Variants in LRRC57 observed in about 807,000 individuals in gnomAD.
LRRC57 encodes the protein leucine-rich repeat-containing protein 57.
In LRRC57, 14 loss-of-function variants were observed where a neutral mutation model predicts 23.1. The ratio of observed to expected loss-of-function variants is 0.61; its 90% CI spans 0.40 to 0.95. LRRC57 has a LOEUF of 0.95. Among genes scored for constraint, LRRC57 ranks in the 40% least tolerant of loss-of-function variants. LRRC57 has a pLI of 0.00. For synonymous variants in LRRC57, 106 were observed against 115.2 expected, an observed-to-expected ratio of 0.92 and a Z score of 0.51; for missense variants, 236 against 284.4, an observed-to-expected ratio of 0.83 and a Z score of 1.22.
chr15:42,535,385 T>C (rs972401216), downstream of LRRC57, among the ~76,000 whole-genome samples: 1 of 152,198 alleles, frequency 6.6e-6, no homozygotes, highest in Non-Finnish European at 1.5e-5. Context: ...TCAAGAACTT[T>C]TCCTTTGCAT....
At chr15:42,534,962 T>C (rs1461859863), downstream of LRRC57, among the ~76,000 whole-genome samples, 2 of 152,218 alleles carry the variant, frequency 1.3e-5, no homozygotes, top group Admixed American at 1.3e-4. Context: ...CCCTATATTT[T>C]CAAAATGTTA....
chr15:42,533,962 C>T (rs1016891093), downstream of LRRC57, among the ~76,000 whole-genome samples: 2 of 152,176 alleles, frequency 1.3e-5, no homozygotes, highest in African/African-American at 2.4e-5. Context: ...CAGTGGCTCA[C>T]GCCTGTAATC....
At chr15:42,537,248 C>CACACACACACACACACACACACAT (rs898846158), downstream of LRRC57, among the ~76,000 whole-genome samples, 205 of 149,638 alleles carry the variant, frequency 1.4e-3, 1 homozygote, top group African/African-American at 4.9e-3. Flanking sequence ...CACACACACA[C>CACACACACACACACACACACACAT]ACACACACAC....
At chr15:42,545,847 A>G (rs2057656003) in intron 4 of LRRC57, among the ~76,000 whole-genome samples, 1 of 151,996 alleles carries the variant, frequency 6.6e-6, no homozygotes. Context: ...GTAATACTTC[A>G]TATGTCATCT....
chr15:42,533,141 C>T (rs1025794466), downstream of LRRC57: 1 of 152,174 alleles, frequency 6.6e-6, no homozygotes, highest in African/African-American at 2.4e-5. Context: ...TCTCATTTAA[C>T]AAATTAATAA....
chr15:42,530,517 T>G, the LRRC57 span, among the ~76,000 whole-genome samples: 1 of 152,172 alleles, frequency 6.6e-6, no homozygotes, highest in African/African-American at 2.4e-5. Flanking sequence ...CTCAACACTT[T>G]GAGAGGCGGA....
At chr15:42,532,092 T>C in the LRRC57 span, 1 of 152,104 alleles carries the variant, frequency 6.6e-6, no homozygotes, top group Non-Finnish European at 1.5e-5. Flanking sequence ...TGAGTTTTCT[T>C]TCTTTTTTTT....
Position 42,539,692 on chromosome 15 carries a change from A to G in LRRC57, c.*4391T>C, listed in dbSNP as rs1331449079. 6.6e-6 allele frequency: 1 copy of G among 152,146 alleles called. No individual in the cohort carries two copies. Among genetic ancestry groups the G allele is most frequent in the Non-Finnish European group, 1.5e-5 (1 of 68,024 alleles). 9.4% of individuals were successfully genotyped at this position (152,146 alleles called of 1,614,324 possible). On this transcript the variant is annotated 3_prime_UTR_variant, in exon 6 of 6. Transcript: ENST00000397130. Reference sequence around the variant, plus strand: ...AATCTGGGTCTTTAGACCACAAGCTAGTTTACTTGATTAGCTCATATTTAA... The same window carrying G: ...AATCTGGGTCTTTAGACCACAAGCTGGTTTACTTGATTAGCTCATATTTAA...
At chr15:42,534,551 C>A (rs571838099), downstream of LRRC57, among the ~76,000 whole-genome samples, 9 of 152,288 alleles carry the variant, frequency 5.9e-5, no homozygotes, top group East Asian at 1.7e-3. Context: ...TTAACGGTAT[C>A]CTTTCCAGAG....
downstream of LRRC57, chr15:42,537,684 C>A (rs943011237): frequency 2.0e-5 from 3 of 152,126 alleles, no homozygotes; most frequent in Non-Finnish European, 2.9e-5. Flanking sequence ...TGTGTATATA[C>A]ACAGTGGAAT....
intron 3 of LRRC57, 98 bp downstream of exon 3, chr15:42,548,008 G>T: frequency 7.6e-7 from 1 of 1,317,150 alleles, no homozygotes; most frequent in Non-Finnish European, 1.1e-6. Context: ...GAGCCCTCCT[G>T]CACGGTTTCA....
chr15:42,533,515 C>T (rs1009315441), downstream of LRRC57, among the ~76,000 whole-genome samples: 26 of 152,036 alleles, frequency 1.7e-4, no homozygotes, highest in African/African-American at 6.0e-4. Flanking sequence ...AGGTGTAAAA[C>T]GGAGGATTGT....
chr15:42,531,928 C>T, the LRRC57 span: 1 of 152,932 alleles, frequency 6.5e-6, no homozygotes, highest in South Asian at 2.1e-4. Context: ...CAAAAAGTTG[C>T]ATAGCCACAA....
chr15:42,541,415 A>C lies in LRRC57; in HGVS notation c.*2668T>G, dbSNP rs1225889094. 1 of 152,190 alleles carries C rather than the reference A, an allele frequency of 6.6e-6. No individual in the cohort carries two copies. Among genetic ancestry groups the C allele is most frequent in the Non-Finnish European group, 1.5e-5 (1 of 68,040 alleles). 9.4% of individuals were successfully genotyped at this position (152,190 alleles called of 1,614,324 possible). A position where few individuals can be genotyped will look rare whatever the true frequency, so the allele number is the denominator to read the frequency against. On this transcript the variant is annotated 3_prime_UTR_variant, in exon 6 of 6. Transcript: ENST00000397130. ...ATTACTCAGGAGAATGAGGCACAAG[A>C]ATCAGTTGAACCTGGTAGGTGGAGG...
In LRRC57 at chr15:42,543,934, GA is replaced by G; in HGVS notation, c.*148del. On this transcript the variant is annotated 3_prime_UTR_variant, in exon 6 of 6. Transcript: ENST00000397130. ...TTATTTGAGAAGAGCCCTGAAATGA[GA>G]AAAGATCATTGAGTGAAATATAATC... 1 of 560,750 alleles carries G rather than the reference GA, an allele frequency of 1.8e-6. No homozygotes were observed. Among genetic ancestry groups the G allele is most frequent in the Non-Finnish European group, 3.2e-6 (1 of 316,406 alleles). The allele number at this position is 560,750 out of a possible 1,614,324, so 34.7% of individuals were successfully genotyped here. A position where few individuals can be genotyped will look rare whatever the true frequency, so the allele number is the denominator to read the frequency against.
chr15:42,536,303 C>T (rs529181188), downstream of LRRC57, among the ~76,000 whole-genome samples: 97 of 152,304 alleles, frequency 6.4e-4, no homozygotes, highest in Non-Finnish European at 6.3e-4. Flanking sequence ...TGTGAAAAAA[C>T]TTAATGGAGT....
chr15:42,536,145 G>A (rs1034003848), downstream of LRRC57, among the ~76,000 whole-genome samples: 2 of 148,468 alleles, frequency 1.3e-5, no homozygotes, highest in Non-Finnish European at 3.0e-5. Context: ...TACCATCGGT[G>A]ATCACAGATC....
chr15:42,531,333 T>G, the LRRC57 span: 1 of 875,982 alleles, frequency 1.1e-6, no homozygotes, highest in Non-Finnish European at 1.7e-6. Flanking sequence ...TCTTGGTGTG[T>G]CAGTTACTCC....
At chr15:42,545,003 C>G (rs935902669) in intron 5 of LRRC57, 74 bp downstream of exon 5, 7 of 1,162,658 alleles carry the variant, frequency 6.0e-6, no homozygotes, top group Non-Finnish European at 8.4e-6. Context: ...GAGCTATAAA[C>G]ATTTCTGTGG....
Sources: gnomAD v4.1 joint callset for allele counts (sites outside exome capture counted in the v4.1 genomes callset) on GRCh38, gnomAD v4.1.1 for gene constraint, MANE v1.5 for transcripts, NCBI Gene and HGNC (gene_info 2026-07-23, HGNC 2026-07-21) for gene names.